The following HIVEP1 variants were observed in gnomAD, a reference collection of about 807,000 sequenced individuals.
HIVEP1 encodes the protein HIVEP zinc finger 1.
HIVEP1 carries 36 observed loss-of-function variants against 180.0 expected under a neutral mutation model. That is an observed-to-expected ratio of 0.20 (90% CI 0.15 to 0.26). The LOEUF is 0.26. Ranked by LOEUF, HIVEP1 falls within the 10% of genes least tolerant of loss-of-function variation. The pLI, the probability that HIVEP1 is intolerant of heterozygous loss-of-function variation, is 1.00. For missense variants in HIVEP1, 3,143 were observed against 3,268.7 expected (o/e 0.96, Z 0.94); for synonymous variants, 1,239 against 1,239.0 (o/e 1.00, Z 0.00).
chr6:12,199,181 C>T, the HIVEP1 span, among the ~76,000 whole-genome samples: 2 of 152,148 alleles, frequency 1.3e-5, no homozygotes, highest in African/African-American at 4.8e-5. Context: ...CTTGATTATA[C>T]CTTCCTGGTT....
chr6:12,095,866 T>G lies in HIVEP1; in HGVS notation c.94+6629T>G, dbSNP rs369288878. 2.1e-3 allele frequency among the ~76,000 whole-genome samples: 325 copies of G among 152,124 alleles called. 11 individuals are homozygous for G. In the South Asian group the frequency reaches 0.065, roughly 30 times the overall value. ...CTGGTATAACTAGATAAGATCTGTGTTATAGTGATAGTTGAATTTCTGGTA... is the reference window on the plus strand; with the variant it reads ...CTGGTATAACTAGATAAGATCTGTGGTATAGTGATAGTTGAATTTCTGGTA... On this transcript the variant is annotated intron_variant, in intron 3 of 8. Coordinates refer to ENST00000379388, the MANE Select transcript of HIVEP1 (RefSeq NM_002114.4).
chr6:12,116,686 A>G (rs906286988), intron 3 of HIVEP1, among the ~76,000 whole-genome samples: 1 of 152,148 alleles, frequency 6.6e-6, no homozygotes, highest in Admixed American at 6.5e-5. Context: ...AGAAGATCCA[A>G]CAAAATCCAG....
At chr6:12,045,786 A>G (rs531879184) in intron 2 of HIVEP1, among the ~76,000 whole-genome samples, 4 of 152,346 alleles carry the variant, frequency 2.6e-5, no homozygotes, top group Non-Finnish European at 4.4e-5. Flanking sequence ...AATTTTAACA[A>G]TGTATGCCTG....
chr6:12,059,191 C>A (rs1164912063), intron 2 of HIVEP1, among the ~76,000 whole-genome samples: 1 of 152,164 alleles, frequency 6.6e-6, no homozygotes, highest in Admixed American at 6.5e-5. Flanking sequence ...TTTGATACCA[C>A]TGTACCTAGC....
chr6:12,044,965 C>T (rs1770031953), intron 2 of HIVEP1, among the ~76,000 whole-genome samples: 1 of 152,236 alleles, frequency 6.6e-6, no homozygotes, highest in Non-Finnish European at 1.5e-5. Flanking sequence ...TGCCTGTAAC[C>T]CATCAATAGA....
chr6:12,016,280 A>C (rs910518730), intron 2 of HIVEP1, among the ~76,000 whole-genome samples: 6 of 151,362 alleles, frequency 4.0e-5, no homozygotes, highest in Non-Finnish European at 8.8e-5. Flanking sequence ...GTAGAAAAGT[A>C]AGTGTATTCT....
chr6:12,194,759 G>A, the HIVEP1 span, among the ~76,000 whole-genome samples: 229 of 151,998 alleles, frequency 1.5e-3, no homozygotes, highest in African/African-American at 5.2e-3. Context: ...CAGAGATCGC[G>A]CCACTGCACT....
chr6:12,168,241 T>G (rs1425704671), downstream of HIVEP1, among the ~76,000 whole-genome samples: 3 of 83,344 alleles, frequency 3.6e-5, no homozygotes, highest in African/African-American at 9.5e-5. Flanking sequence ...ACATATATAT[T>G]ATATATACAG....
intron 2 of HIVEP1, among the ~76,000 whole-genome samples, chr6:12,031,643 G>A (rs1768946777): frequency 6.6e-6 from 1 of 152,148 alleles, no homozygotes. Flanking sequence ...ACTGGGATAG[G>A]GAGACAGGAA....
chr6:12,015,610 A>C lies in HIVEP1; in HGVS notation c.-19A>C, dbSNP rs967540094. 8 of 1,610,540 alleles carry C rather than the reference A, an allele frequency of 5.0e-6. No individual in the cohort carries two copies. Among genetic ancestry groups the C allele is most frequent in the Non-Finnish European group, 6.8e-6 (8 of 1,178,168 alleles). On this transcript the variant is annotated 5_prime_UTR_variant, in exon 2 of 9. Coordinates refer to ENST00000379388, the MANE Select transcript of HIVEP1 (RefSeq NM_002114.4). The stretch of plus-strand genomic sequence containing the variant: ...TCTGCAGTTTTTAAGAAGAAAAAGA[A>C]GGCCCTGAGTCAAAGAAGATGCCTC...
At chr6:12,050,104 A>G (rs976561438) in intron 2 of HIVEP1, among the ~76,000 whole-genome samples, 2 of 152,118 alleles carry the variant, frequency 1.3e-5, no homozygotes, top group East Asian at 1.9e-4. Context: ...TTACACTGAC[A>G]CCATTAACTG....
chr6:12,108,710 C>T (rs1178837115), intron 3 of HIVEP1, among the ~76,000 whole-genome samples: 1 of 152,220 alleles, frequency 6.6e-6, no homozygotes, highest in Non-Finnish European at 1.5e-5. Flanking sequence ...CCCACGCCCA[C>T]CCGGAGCTCC....
intron 2 of HIVEP1, among the ~76,000 whole-genome samples, chr6:12,057,219 G>A (rs1770941176): frequency 6.6e-6 from 1 of 152,094 alleles, no homozygotes; most frequent in African/African-American, 2.4e-5. Context: ...TTAAATTAAT[G>A]AATATAGATG....
chr6:12,048,386 A>G (rs1770276954), intron 2 of HIVEP1, among the ~76,000 whole-genome samples: 1 of 152,240 alleles, frequency 6.6e-6, no homozygotes, highest in Non-Finnish European at 1.5e-5. Context: ...TAGACATTAA[A>G]TGATAATTTA....
chr6:12,176,476 C>T, the HIVEP1 span, among the ~76,000 whole-genome samples: 4 of 152,086 alleles, frequency 2.6e-5, no homozygotes, highest in African/African-American at 9.7e-5. Context: ...AGGTGATCCA[C>T]CTGCCTCGGC....
At chr6:12,194,310 G>A in the HIVEP1 span, among the ~76,000 whole-genome samples, 2 of 152,006 alleles carry the variant, frequency 1.3e-5, no homozygotes, top group African/African-American at 4.8e-5. Flanking sequence ...CAGATTTTAG[G>A]AAGGAAGTTA....
chr6:12,116,726 C>G (rs1775239908), intron 3 of HIVEP1, among the ~76,000 whole-genome samples: 3 of 152,054 alleles, frequency 2.0e-5, no homozygotes, highest in South Asian at 4.1e-4. Flanking sequence ...AAAAGACTGT[C>G]AGGAGTATGT....
At chr6:12,011,006 G>A (rs1767248005), upstream of HIVEP1, among the ~76,000 whole-genome samples, 1 of 152,008 alleles carries the variant, frequency 6.6e-6, no homozygotes, top group Admixed American at 6.5e-5. Flanking sequence ...GGGGTTAATT[G>A]CGCTCGCAGC....
In HIVEP1 at chr6:12,121,563, G is replaced by A; in HGVS notation, c.1768G>A (p.Ala590Thr). 1.9e-6 allele frequency: 3 copies of A among 1,614,134 alleles called. No individual in the cohort carries two copies. Among genetic ancestry groups the A allele is most frequent in the Non-Finnish European group, 2.5e-6 (3 of 1,180,028 alleles). The part of the protein sequence containing the change: ...AMDPKPELSS[A>T]QKQKDLQVTN... ...GGATCCCAAGCCTGAACTTTCTAGT[G>A]CACAAAAGCAGAAGGACCTTCAGGT... The change falls in exon 4 of 9, where the codon GCA becomes ACA. Residue 590 changes from alanine to threonine, a missense_variant. By Grantham distance (58) the Ala-to-Thr change is moderately conservative. This residue lies in a region of HIVEP1 where 365 missense variants were observed against 344.4 expected (regional missense o/e 1.06). Transcript: ENST00000379388. The surrounding 1 kb of genome is among the most constrained non-coding windows in gnomAD (Gnocchi z 5.3).
Sources: allele counts gnomAD v4.1 joint callset (sites outside exome capture counted in the v4.1 genomes callset), GRCh38; gene constraint gnomAD v4.1.1; regional missense constraint gnomAD v4.1.1; non-coding constraint Gnocchi (gnomAD v3.1); transcripts MANE v1.5; gene names NCBI Gene and HGNC (gene_info 2026-07-23, HGNC 2026-07-21).